The following TNS3 variants were observed in gnomAD, a reference collection of about 807,000 sequenced individuals.
TNS3 encodes tensin-3.
In TNS3, 45 loss-of-function variants were observed where a neutral mutation model predicts 140.9. The observed-to-expected ratio is 0.32, with a 90% CI of 0.25 to 0.41. TNS3 has a LOEUF of 0.41. Ranked by LOEUF, TNS3 falls within the 10% of genes least tolerant of loss-of-function variation. The probability of loss-of-function intolerance (pLI) is 1.00; values close to 1 mark genes in which losing one functional copy is unlikely to be tolerated. For synonymous variants in TNS3, 815 were observed against 788.4 expected (o/e 1.03, Z -0.56); for missense variants, 1,716 against 1,906.7 (o/e 0.90, Z 1.86).
At chr7:47,395,138 C>T (rs748306424) in intron 16 of TNS3, among the ~76,000 whole-genome samples, 7 of 152,334 alleles carry the variant, frequency 4.6e-5, no homozygotes, top group African/African-American at 9.6e-5. Context: ...CCCAGCATCA[C>T]GAGAATGACC....
At chr7:47,296,827 G>GC (rs1786053064) in intron 24 of TNS3, among the ~76,000 whole-genome samples, 1 of 152,156 alleles carries the variant, frequency 6.6e-6, no homozygotes, top group Non-Finnish European at 1.5e-5. Context: ...CTTAGTGGAT[G>GC]CCTTATCCCA....
chr7:47,497,115 A>AG (rs769329172), intron 3 of TNS3, among the ~76,000 whole-genome samples: 4 of 152,268 alleles, frequency 2.6e-5, no homozygotes, highest in Admixed American at 6.5e-5. Context: ...TTAAAAGAGC[A>AG]GACCCCATTC....
intron 16 of TNS3, among the ~76,000 whole-genome samples, chr7:47,393,018 G>C (rs1438157874): frequency 2.0e-5 from 3 of 152,228 alleles, no homozygotes; most frequent in Non-Finnish European, 2.9e-5. Flanking sequence ...AGGGAATCCA[G>C]TGTGCTCAGT....
chr7:47,564,235 G>T (rs575368225), intron 1 of TNS3, among the ~76,000 whole-genome samples: 2 of 148,226 alleles, frequency 1.3e-5, no homozygotes, highest in African/African-American at 4.9e-5. Context: ...AGTGGACTTT[G>T]AATAAAGCAA....
rs769760726 is a variant in TNS3, at chr7:47,303,100, G to C, written c.3307C>G (p.Arg1103Gly). Residue 1103 changes from arginine to glycine, a missense_variant, in exon 22 of 31, where the codon CGG becomes GGG. Physicochemically the swap from Arg to Gly is moderately radical, Grantham distance 125. Around this residue, in one of 3 missense-constraint regions of TNS3, gnomAD observed 1,163 missense variants for 1,182.1 expected, o/e 0.98. Coordinates refer to ENST00000311160, the MANE Select transcript of TNS3 (RefSeq NM_022748.12). ...PGQPPLPEKK[R>G]ASEGDRSLGS... ...AAAGAACGATCCCCCTCCGAGGCCC[G>C]CTTCTTCTCAGGGAGGGGTGGCTGC... 1.2e-6 allele frequency: 2 copies of C among 1,613,968 alleles called. No homozygotes were observed. The highest frequency in any genetic ancestry group is 1.7e-5 in the Admixed American group (1 of 60,016).
At chr7:47,340,620 C>T (rs546164332) in intron 20 of TNS3, among the ~76,000 whole-genome samples, 4 of 117,844 alleles carry the variant, frequency 3.4e-5, no homozygotes, top group African/African-American at 9.4e-5. Context: ...CTCACACTGT[C>T]GCCCAGGCTG....
At chr7:47,542,641 G>T (rs1799819118) in intron 1 of TNS3, among the ~76,000 whole-genome samples, 1 of 152,178 alleles carries the variant, frequency 6.6e-6, no homozygotes, top group South Asian at 2.1e-4. Context: ...ACATTTAAAA[G>T]CACTTTACGG....
chr7:47,411,918 A>G, intron 12 of TNS3, 116 bp from the exon 13 acceptor site: 1 of 919,204 alleles, frequency 1.1e-6, no homozygotes, highest in East Asian at 2.7e-5. Flanking sequence ...AGAATGCCCA[A>G]TCAGCCCAGA....
intron 16 of TNS3, among the ~76,000 whole-genome samples, chr7:47,386,592 A>C (rs1245995227): frequency 1.3e-5 from 2 of 152,220 alleles, no homozygotes; most frequent in African/African-American, 2.4e-5. Context: ...TCCCCGACAG[A>C]CAGCCAGGCA....
chr7:47,500,881 A>G (rs1475882996), intron 3 of TNS3, among the ~76,000 whole-genome samples: 2 of 152,000 alleles, frequency 1.3e-5, no homozygotes, highest in Non-Finnish European at 2.9e-5. Context: ...GGAGTTTGAG[A>G]CCAGCCTGGC....
At chr7:47,405,737 CAG>C (rs1336444732) in intron 13 of TNS3, among the ~76,000 whole-genome samples, 1 of 152,178 alleles carries the variant, frequency 6.6e-6, no homozygotes, top group African/African-American at 2.4e-5. Flanking sequence ...TCTCCTGGGG[CAG>C]AGTCTCAGGA....
intron 17 of TNS3, among the ~76,000 whole-genome samples, chr7:47,354,941 A>G (rs1440602740): frequency 1.3e-5 from 2 of 152,122 alleles, no homozygotes; most frequent in Non-Finnish European, 1.5e-5. Context: ...TCTTCGCCCA[A>G]GCCTCCTTCC....
At chr7:47,309,188 G>A (rs1786934748) in intron 20 of TNS3, among the ~76,000 whole-genome samples, 1 of 152,138 alleles carries the variant, frequency 6.6e-6, no homozygotes, top group Non-Finnish European at 1.5e-5. Flanking sequence ...CATATAGTTT[G>A]TCCATTTTTT....
intron 16 of TNS3, among the ~76,000 whole-genome samples, chr7:47,389,422 CA>C (rs1186434327): frequency 2.0e-5 from 3 of 152,198 alleles, no homozygotes; most frequent in Non-Finnish European, 2.9e-5. Flanking sequence ...TTCTCTGTCC[CA>C]GGGGGTGATG....
intron 1 of TNS3, among the ~76,000 whole-genome samples, chr7:47,550,154 C>T (rs1041658263): frequency 2.0e-5 from 3 of 152,186 alleles, no homozygotes; most frequent in Admixed American, 1.3e-4. Context: ...AAAGTTCTTA[C>T]ATCACAGGGA....
intron 3 of TNS3, among the ~76,000 whole-genome samples, chr7:47,495,065 C>T (rs1461094228): frequency 6.6e-6 from 1 of 151,774 alleles, no homozygotes; most frequent in Non-Finnish European, 1.5e-5. Flanking sequence ...CTCCCCGGCG[C>T]CTGTAGTCCC....
intron 30 of TNS3, chr7:47,279,884 T>A: frequency 4.0e-6 from 2 of 498,934 alleles, no homozygotes; most frequent in South Asian, 2.1e-5. Context: ...CATTCCCAAA[T>A]GGCCAAAAAG....
chr7:47,524,115 C>A (rs62448395), intron 2 of TNS3, among the ~76,000 whole-genome samples: 1 of 152,112 alleles, frequency 6.6e-6, no homozygotes, highest in Admixed American at 6.5e-5. Context: ...GGCGGCACAT[C>A]CAGGGTGCAG....
chr7:47,519,273 C>G (rs993476632), intron 2 of TNS3, among the ~76,000 whole-genome samples: 7 of 137,878 alleles, frequency 5.1e-5, no homozygotes, highest in Non-Finnish European at 1.1e-4. Context: ...ACACAAGGCA[C>G]GGGTGCAAAG....
Sources: gnomAD v4.1 joint callset for allele counts (sites outside exome capture counted in the v4.1 genomes callset) on GRCh38, gnomAD v4.1.1 for gene constraint, gnomAD v4.1.1 regional missense constraint, MANE v1.5 for transcripts, NCBI Gene and HGNC (gene_info 2026-07-23, HGNC 2026-07-21) for gene names.